Variants in RAP1GAP2 observed in about 807,000 individuals in gnomAD.
RAP1GAP2 encodes rap1 GTPase-activating protein 2.
RAP1GAP2 carries 27 observed loss-of-function variants against 95.0 expected under a neutral mutation model. That is an observed-to-expected ratio of 0.28 (90% CI 0.21 to 0.39). The LOEUF (loss-of-function observed/expected upper bound fraction) is 0.39, where lower values mean the gene tolerates loss of function less well. RAP1GAP2 is among the 10% of genes least tolerant of loss of function. The probability of loss-of-function intolerance (pLI) is 1.00; values close to 1 mark genes in which losing one functional copy is unlikely to be tolerated. For missense variants in RAP1GAP2, 771 were observed against 970.0 expected, an observed-to-expected ratio of 0.79 and a Z score of 2.72; for synonymous variants, 373 against 380.9, an observed-to-expected ratio of 0.98 and a Z score of 0.24.
intron 1 of RAP1GAP2, among the ~76,000 whole-genome samples, chr17:2,769,121 A>T (rs1597273510): frequency 2.0e-5 from 3 of 151,586 alleles, no homozygotes; most frequent in African/African-American, 7.3e-5. Flanking sequence ...AGTCCTAGCT[A>T]CTCAAGATAC....
intron 3 of RAP1GAP2, among the ~76,000 whole-genome samples, chr17:2,932,251 G>A (rs2043179016): frequency 6.6e-6 from 1 of 152,144 alleles, no homozygotes; most frequent in South Asian, 2.1e-4. Context: ...AGGGTGCCTG[G>A]CTGGGGGTCT....
At chr17:2,787,254 GT>G (rs1186389658) in intron 1 of RAP1GAP2, among the ~76,000 whole-genome samples, 392 of 134,274 alleles carry the variant, frequency 2.9e-3, no homozygotes, top group Non-Finnish European at 3.6e-3. Context: ...CCCAGCTTTG[GT>G]TTTTTTTTTT....
At chr17:2,961,640 G>A (rs890074495) in intron 4 of RAP1GAP2, among the ~76,000 whole-genome samples, 7 of 152,238 alleles carry the variant, frequency 4.6e-5, no homozygotes, top group African/African-American at 1.7e-4. Context: ...GATCCTTGCA[G>A]TCATCCTTCC....
At chr17:2,999,341 G>C (rs1308210837) in intron 14 of RAP1GAP2, among the ~76,000 whole-genome samples, 2 of 152,230 alleles carry the variant, frequency 1.3e-5, no homozygotes, top group Non-Finnish European at 2.9e-5. Context: ...GCAAGGGTTA[G>C]GCAGTCTCTG....
Position 2,937,084 on chromosome 17 carries a change from C to T in RAP1GAP2, c.166-20675C>T, listed in dbSNP as rs191446452. Among the ~76,000 whole-genome samples the T allele has an allele frequency of 3.0e-4, 45 of 152,244 alleles. No homozygotes were observed. The East Asian group carries it at 8.5e-3, about 29-fold the overall frequency. On this transcript the variant is annotated intron_variant, in intron 3 of 24. Transcript: ENST00000254695. The stretch of plus-strand genomic sequence containing the variant: ...GGGCATGTGTAGGACGGGAGTACCA[C>T]CTTGGGACAGGGAGGAGGGTGCAGA...
chr17:2,879,025 G>T (rs758818747), intron 2 of RAP1GAP2, among the ~76,000 whole-genome samples: 1 of 152,154 alleles, frequency 6.6e-6, no homozygotes. Flanking sequence ...TCTCTGGAGG[G>T]TGTGGCAAGG....
At chr17:2,784,588 G>T (rs2068732253) in intron 1 of RAP1GAP2, among the ~76,000 whole-genome samples, 1 of 152,136 alleles carries the variant, frequency 6.6e-6, no homozygotes, top group Non-Finnish European at 1.5e-5. Flanking sequence ...TATTCTTTTA[G>T]CAGCAGCTAC....
At chr17:2,794,981 G>A (rs937059301), upstream of RAP1GAP2, among the ~76,000 whole-genome samples, 4 of 137,662 alleles carry the variant, frequency 2.9e-5, no homozygotes, top group Non-Finnish European at 4.6e-5. Context: ...AGGTTCAAAC[G>A]ATTCTCCTGC....
At chr17:2,780,060 T>C (rs1157766339) in intron 1 of RAP1GAP2, among the ~76,000 whole-genome samples, 1 of 151,686 alleles carries the variant, frequency 6.6e-6, no homozygotes, top group Non-Finnish European at 1.5e-5. Flanking sequence ...TCCTCGTTCC[T>C]TTTTTTTGAG....
In RAP1GAP2 at chr17:3,020,529, G is replaced by A. The variant is rs776122879; in HGVS notation, c.1685G>A (p.Arg562Gln). The change falls in exon 19 of 25, where the codon CGA (arginine) becomes CAA (glutamine). Residue 562 changes from arginine (R) to glutamine (Q), a missense_variant. Arg to Gln is a conservative substitution (Grantham distance 43). Transcript: ENST00000254695. The part of the protein sequence containing the change: ...VKNQSRSPIK[R>Q]RSGLFPRLHT... Reference sequence around the variant, plus strand: ...AACCAGTCACGGAGTCCCATCAAGCGACGCTCGGGGCTCTTCCCCCGCCTG... The same window carrying A: ...AACCAGTCACGGAGTCCCATCAAGCAACGCTCGGGGCTCTTCCCCCGCCTG... The A allele has an allele frequency of 8.7e-6, 14 of 1,613,902 alleles. No homozygotes were observed. Among genetic ancestry groups the A allele is most frequent in the Non-Finnish European group, 1.2e-5 (14 of 1,179,864 alleles).
At chr17:2,854,008 G>T (rs530147496) in intron 2 of RAP1GAP2, 26 of 984,878 alleles carry the variant, frequency 2.6e-5, no homozygotes, top group African/African-American at 1.7e-4. Context: ...GTCCCAGCCC[G>T]CGGGGAGGAG....
At chr17:2,917,709 C>T (rs956022101) in intron 3 of RAP1GAP2, among the ~76,000 whole-genome samples, 2 of 151,874 alleles carry the variant, frequency 1.3e-5, no homozygotes, top group Admixed American at 1.3e-4. Context: ...CTGGCCCCCC[C>T]GTTTTTAAAA....
At chr17:2,864,780 G>T (rs2072555588) in intron 2 of RAP1GAP2, among the ~76,000 whole-genome samples, 1 of 152,202 alleles carries the variant, frequency 6.6e-6, no homozygotes, top group South Asian at 2.1e-4. Context: ...CTGCAGAATG[G>T]CCACTGTGGA....
chr17:2,796,575 G>T lies in RAP1GAP2; in HGVS notation c.44+4G>T. ...TCTCCTTTGGGGGCTTCGGATGGTG[G>T]GTGACAGGTGGGAGGGTGGGGGAAT... is the stretch of plus-strand genomic sequence containing the variant. On this transcript the variant is annotated splice_donor_region_variant and intron_variant, in intron 1 of 24. Transcript: ENST00000254695. This position sits in a 1 kb window ranked among gnomAD's most constrained non-coding sequence, Gnocchi z 4.7. The T allele has an allele frequency of 6.4e-7, 1 of 1,560,948 alleles. No individual in the cohort carries two copies. The highest frequency in any genetic ancestry group is 8.7e-7 in the Non-Finnish European group (1 of 1,152,312).
chr17:2,779,371 G>A (rs976009207), intron 1 of RAP1GAP2, among the ~76,000 whole-genome samples: 2 of 152,216 alleles, frequency 1.3e-5, no homozygotes, highest in African/African-American at 4.8e-5. Context: ...CACATGCCCA[G>A]GGTGGCTCAG....
At chr17:3,016,653 C>T (rs1425993082) in intron 17 of RAP1GAP2, among the ~76,000 whole-genome samples, 7 of 152,234 alleles carry the variant, frequency 4.6e-5, no homozygotes, top group Non-Finnish European at 4.4e-5. Flanking sequence ...GTGCTAGGCA[C>T]GTGAGCAGCC....
chr17:2,906,141 C>G lies in RAP1GAP2; in HGVS notation c.165+773C>G, dbSNP rs2042192487. ...TCACACTCTGTGGAGTGAGTGAGGA[C>G]TAGTGCTGAAGAAGTCACCTGCCTC... On this transcript the variant is annotated intron_variant, in intron 3 of 24. Transcript: ENST00000254695. The surrounding 1 kb of genome is among the most constrained non-coding windows in gnomAD (Gnocchi z 4.3). Among the ~76,000 whole-genome samples the G allele has an allele frequency of 6.6e-6, 1 of 152,050 alleles. No homozygotes were observed. Among genetic ancestry groups the G allele is most frequent in the African/African-American group, 2.4e-5 (1 of 41,432 alleles).
At chr17:2,847,553 C>T (rs2071642322) in intron 2 of RAP1GAP2, among the ~76,000 whole-genome samples, 1 of 152,178 alleles carries the variant, frequency 6.6e-6, no homozygotes, top group Non-Finnish European at 1.5e-5. Flanking sequence ...ACTCTGTTCT[C>T]TGTAGAGCCA....
At chr17:2,814,005 A>G (rs1373128681) in intron 2 of RAP1GAP2, among the ~76,000 whole-genome samples, 2 of 152,104 alleles carry the variant, frequency 1.3e-5, no homozygotes, top group Non-Finnish European at 2.9e-5. Flanking sequence ...ATGTCTCCAG[A>G]CGTTGCTCTA....
Sources: gnomAD v4.1 joint callset for allele counts (sites outside exome capture counted in the v4.1 genomes callset) on GRCh38, gnomAD v4.1.1 for gene constraint, Gnocchi (gnomAD v3.1) non-coding constraint, MANE v1.5 for transcripts, NCBI Gene and HGNC (gene_info 2026-07-23, HGNC 2026-07-21) for gene names.